CSMD1: variants seen among roughly 807,000 people sequenced by gnomAD.
The protein encoded by CSMD1 is CUB and Sushi multiple domains 1.
CSMD1 carries 213 observed loss-of-function variants against 417.5 expected under a neutral mutation model. The observed-to-expected ratio is 0.51, with a 90% CI of 0.46 to 0.57. CSMD1 has a LOEUF of 0.57. Ranked by LOEUF, CSMD1 falls within the 20% of genes least tolerant of loss-of-function variation. The probability of loss-of-function intolerance (pLI) is 0.00; values close to 1 mark genes in which losing one functional copy is unlikely to be tolerated. For synonymous variants in CSMD1, 2,862 were observed against 1,736.8 expected, an observed-to-expected ratio of 1.65 and a Z score of -16.11; for missense variants, 6,923 against 4,529.7, an observed-to-expected ratio of 1.53 and a Z score of -15.17.
chr8:4,131,177 C>T (rs1434615086), intron 3 of CSMD1, among the ~76,000 whole-genome samples: 2 of 152,050 alleles, frequency 1.3e-5, no homozygotes, highest in Non-Finnish European at 2.9e-5. Context: ...GAGAGTAGTA[C>T]ATCAAAAGAC....
At chr8:3,213,204 A>C (rs936357590) in intron 30 of CSMD1, among the ~76,000 whole-genome samples, 7 of 152,186 alleles carry the variant, frequency 4.6e-5, no homozygotes, top group Non-Finnish European at 8.8e-5. Flanking sequence ...AGAAAAACAC[A>C]TTTGTTTCAT....
At chr8:3,714,371 C>G (rs1801703133) in intron 6 of CSMD1, among the ~76,000 whole-genome samples, 1 of 150,602 alleles carries the variant, frequency 6.6e-6, no homozygotes, top group Non-Finnish European at 1.5e-5. Context: ...AGTATCACAG[C>G]AAATGGAATT....
rs1435014954 is a variant in CSMD1, at chr8:3,387,563, G to C, written c.2713C>G (p.Leu905Val). The C allele has an allele frequency of 1.2e-6, 2 of 1,602,200 alleles. No individual in the cohort carries two copies. Among genetic ancestry groups the C allele is most frequent in the African/African-American group, 1.3e-5 (1 of 74,702 alleles). Residue 905 changes from leucine (L) to valine (V), a missense_variant, in exon 18 of 70, where the codon CTA (leucine) becomes GTA (valine). Leu to Val is a conservative substitution (Grantham distance 32). Transcript: ENST00000635120. Reference protein sequence around the residue: ...VTFSCDPGYTLSDDEPLVCER... With the variant: ...VTFSCDPGYTVSDDEPLVCER... ...CAGACGAGGGGCTCGTCGTCACTTA[G>C]TGTGTACCCCGGGTCACAGCTGAAA...
chr8:4,218,624 G>A (rs892137290), intron 3 of CSMD1, among the ~76,000 whole-genome samples: 15 of 152,072 alleles, frequency 9.9e-5, no homozygotes, highest in Admixed American at 2.0e-4. Context: ...ATCATATACT[G>A]TTTCATACCG....
intron 2 of CSMD1, among the ~76,000 whole-genome samples, chr8:4,562,625 G>C (rs1262636208): frequency 6.6e-6 from 1 of 152,008 alleles, no homozygotes; most frequent in African/African-American, 2.4e-5. Context: ...AGAAATTTAG[G>C]ACACATCAGA....
At chr8:2,972,014 G>C (rs1191414007) in intron 57 of CSMD1, among the ~76,000 whole-genome samples, 1 of 151,832 alleles carries the variant, frequency 6.6e-6, no homozygotes. Context: ...AATAGTCTTT[G>C]AGAAAAAATA....
chr8:3,430,768 C>A (rs1280079366), intron 12 of CSMD1, among the ~76,000 whole-genome samples: 1 of 152,124 alleles, frequency 6.6e-6, no homozygotes, highest in Non-Finnish European at 1.5e-5. Flanking sequence ...GATCATGGCC[C>A]TGAACTGCAG....
chr8:3,214,638 C>T lies in CSMD1; in HGVS notation c.4726G>A (p.Val1576Ile), dbSNP rs773810106. 2 of 1,553,384 alleles carry T rather than the reference C, an allele frequency of 1.3e-6. No individual in the cohort carries two copies. The highest frequency in any genetic ancestry group is 1.7e-6 in the Non-Finnish European group (2 of 1,147,964). Residue 1576 changes from valine (V) to isoleucine (I), a missense_variant, in exon 30 of 70, where the codon GTT becomes ATT. Val to Ile is a conservative substitution (Grantham distance 29). Coordinates refer to ENST00000635120, the MANE Select transcript of CSMD1 (RefSeq NM_033225.6). ...GAGCCAAGCTTGAAGTCTGTTCCAACTCTTGTCCCATTCATTATATTTCCT... is the reference window on the plus strand; with the variant it reads ...GAGCCAAGCTTGAAGTCTGTTCCAATTCTTGTCCCATTCATTATATTTCCT... ...DPGNIMNGTR[V>I]GTDFKLGSTI... is the part of the protein sequence containing the mutation.
chr8:4,828,519 C>T (rs978729889), intron 1 of CSMD1, among the ~76,000 whole-genome samples: 3 of 152,072 alleles, frequency 2.0e-5, no homozygotes, highest in African/African-American at 7.2e-5. Flanking sequence ...ACCTATTGGT[C>T]CTTTATTGCC....
At chr8:3,714,122 T>C (rs1424532356) in intron 6 of CSMD1, among the ~76,000 whole-genome samples, 1 of 150,098 alleles carries the variant, frequency 6.7e-6, no homozygotes. Context: ...AATATAAGTA[T>C]ATAACATATA....
intron 3 of CSMD1, among the ~76,000 whole-genome samples, chr8:4,226,013 T>C (rs1419330927): frequency 1.3e-5 from 2 of 151,792 alleles, no homozygotes; most frequent in Non-Finnish European, 2.9e-5. Context: ...AATTTTCCCA[T>C]GAATATTTAG....
chr8:3,559,788 G>T (rs1799390938), intron 10 of CSMD1, among the ~76,000 whole-genome samples: 1 of 152,100 alleles, frequency 6.6e-6, no homozygotes, highest in Non-Finnish European at 1.5e-5. Flanking sequence ...ATTAGAAAAT[G>T]GAGAGTGAGG....
intron 3 of CSMD1, among the ~76,000 whole-genome samples, chr8:4,347,972 G>A (rs1231200718): frequency 1.1e-4 from 17 of 152,092 alleles, no homozygotes; most frequent in Non-Finnish European, 2.5e-4. Flanking sequence ...TTATACACGG[G>A]AAGCACTACA....
intron 31 of CSMD1, among the ~76,000 whole-genome samples, chr8:3,204,642 T>A: frequency 6.6e-6 from 1 of 152,210 alleles, no homozygotes; most frequent in East Asian, 1.9e-4. Context: ...ACAAGTTTCT[T>A]ACACATCAAA....
chr8:4,428,640 G>C (rs1215874173), intron 2 of CSMD1, among the ~76,000 whole-genome samples: 1 of 152,076 alleles, frequency 6.6e-6, no homozygotes, highest in Non-Finnish European at 1.5e-5. Context: ...GGAAACTACA[G>C]AACTTTTAGG....
At chr8:3,941,625 C>G (rs1433208470) in intron 5 of CSMD1, among the ~76,000 whole-genome samples, 2 of 152,040 alleles carry the variant, frequency 1.3e-5, no homozygotes, top group Non-Finnish European at 2.9e-5. Flanking sequence ...GAAGATAAGA[C>G]TTAATGAAAA....
intron 12 of CSMD1, among the ~76,000 whole-genome samples, chr8:3,416,573 G>A (rs948295237): frequency 1.3e-4 from 20 of 152,178 alleles, no homozygotes; most frequent in Non-Finnish European, 1.9e-4. Context: ...TAGTTAGCAC[G>A]CTTGCTTGTT....
intron 33 of CSMD1, among the ~76,000 whole-genome samples, chr8:3,196,127 T>C (rs1796690173): frequency 6.6e-6 from 1 of 152,128 alleles, no homozygotes; most frequent in Admixed American, 6.5e-5. Context: ...TGACCTGTGG[T>C]CATTCCCACT....
At chr8:4,235,430 T>G (rs541789144) in intron 3 of CSMD1, among the ~76,000 whole-genome samples, 6 of 152,274 alleles carry the variant, frequency 3.9e-5, no homozygotes, top group African/African-American at 1.4e-4. Context: ...CTAAAGGCTA[T>G]GTAGTATGCC....
Sources: gnomAD v4.1 joint callset for allele counts (sites outside exome capture counted in the v4.1 genomes callset) on GRCh38, gnomAD v4.1.1 for gene constraint, MANE v1.5 for transcripts, NCBI Gene and HGNC (gene_info 2026-07-23, HGNC 2026-07-21) for gene names.